Variants in ABCB7 observed in about 807,000 individuals in gnomAD.
The protein encoded by ABCB7 is iron-sulfur clusters transporter ABCB7, mitochondrial.
In ABCB7, 7 loss-of-function variants were observed where a neutral mutation model predicts 54.4. That is an observed-to-expected ratio of 0.13 (90% CI 0.07 to 0.24). The LOEUF (loss-of-function observed/expected upper bound fraction) is 0.24, where lower values mean the gene tolerates loss of function less well. ABCB7 is among the 10% of genes least tolerant of loss of function. ABCB7 has a pLI of 1.00. For synonymous variants in ABCB7, 218 were observed against 207.1 expected (o/e 1.05, Z -0.45); for missense variants, 356 against 570.4 (o/e 0.62, Z 3.83).
At chrX:75,122,089 T>C (rs2081883498) in intron 1 of ABCB7, among the ~76,000 whole-genome samples, 1 of 111,529 alleles carries the variant, frequency 9.0e-6, no homozygotes, top group Non-Finnish European at 1.9e-5. Flanking sequence ...CTTGGTAAAA[T>C]AAGGCAGAGA....
At chrX:75,055,033 C>G (rs1267074896) in intron 15 of ABCB7, among the ~76,000 whole-genome samples, 1 of 111,652 alleles carries the variant, frequency 9.0e-6, no homozygotes, top group Non-Finnish European at 1.9e-5. Context: ...GTTTTCTGAT[C>G]TTTTCTCTAT....
chrX:75,138,956 C>G (rs1479429299), intron 1 of ABCB7, among the ~76,000 whole-genome samples: 1 of 101,660 alleles, frequency 9.8e-6, no homozygotes, highest in Non-Finnish European at 2.0e-5. Context: ...TGCAGTGAGC[C>G]GAGATAGAGC....
chrX:75,137,219 G>A (rs1034189614), intron 1 of ABCB7, among the ~76,000 whole-genome samples: 1 of 111,730 alleles, frequency 9.0e-6, no homozygotes, highest in Non-Finnish European at 1.9e-5. Flanking sequence ...ATGCGCAAAG[G>A]ACATGAACAG....
At chrX:75,119,087 TAAC>T (rs368862140) in intron 1 of ABCB7, among the ~76,000 whole-genome samples, 99 of 112,145 alleles carry the variant, frequency 8.8e-4, no homozygotes, top group African/African-American at 3.1e-3. Flanking sequence ...GGTTTAATAA[TAAC>T]AAAAGTTTAG....
chrX:75,091,063 T>C (rs1462168596), intron 4 of ABCB7, among the ~76,000 whole-genome samples: 1 of 111,513 alleles, frequency 9.0e-6, no homozygotes, highest in African/African-American at 3.2e-5. Context: ...GAATTCTCTA[T>C]AATTTCTTCC....
At chrX:75,116,387 T>C (rs2081820461) in intron 1 of ABCB7, among the ~76,000 whole-genome samples, 1 of 102,850 alleles carries the variant, frequency 9.7e-6, no homozygotes, top group Admixed American at 1.1e-4. Context: ...CCTCCTGAGG[T>C]TGTGTCATGT....
At chrX:75,153,756 G>GTATA (rs10626282) in intron 1 of ABCB7, among the ~76,000 whole-genome samples, 2,876 of 91,841 alleles carry the variant, frequency 0.031, 113 homozygotes, top group African/African-American at 0.1. Flanking sequence ...GCGTGTGTGT[G>GTATA]TGTGTATATA....
In ABCB7 at chrX:75,065,285, T is replaced by C. The variant is rs779877042; in HGVS notation, c.1660-44A>G. On this transcript the variant is annotated intron_variant, in intron 12 of 15. Coordinates refer to ENST00000373394, the MANE Select transcript of ABCB7 (RefSeq NM_001271696.3). The stretch of plus-strand genomic sequence containing the variant: ...ATGAATATATATCTATATCTATATA[T>C]CTCTCTCTATTTATGTTCATTATTA... The C allele has an allele frequency of 6.7e-6, 7 of 1,051,156 alleles. No homozygotes were observed. In the South Asian group the frequency reaches 1.2e-4, roughly 18 times the overall value. The allele number at this position is 1,051,156 out of a possible 1,213,427, so 86.6% of individuals were successfully genotyped here. A position where few individuals can be genotyped will look rare whatever the true frequency, so the allele number is the denominator to read the frequency against.
Position 75,136,909 on chromosome X carries a change from G to A in ABCB7, c.168+19196C>T, listed in dbSNP as rs145768228. Among the ~76,000 whole-genome samples the A allele has an allele frequency of 6.8e-4, 76 of 112,037 alleles. 1 individual carries two copies. In the East Asian group the frequency reaches 0.016, roughly 24 times the overall value. Reference sequence around the variant, plus strand: ...TTCAACATCAATTAAAGACTTAAACGTAAAACCCAAAACTATAAACTCTGG... The same window carrying A: ...TTCAACATCAATTAAAGACTTAAACATAAAACCCAAAACTATAAACTCTGG... On this transcript the variant is annotated intron_variant, in intron 1 of 15. Coordinates refer to ENST00000373394, the MANE Select transcript of ABCB7 (RefSeq NM_001271696.3).
In ABCB7 at chrX:75,065,302, T is replaced by A. The variant is rs181920900; in HGVS notation, c.1660-61A>T. On this transcript the variant is annotated intron_variant, in intron 12 of 15. Transcript: ENST00000373394. The stretch of plus-strand genomic sequence containing the variant: ...TCTATATATCTCTCTCTATTTATGT[T>A]CATTATTAAAAATTCAAATAGTAAA... 2.0e-4 allele frequency: 210 copies of A among 1,034,825 alleles called. 2 individuals are homozygous for A. The African/African-American group carries it at 3.6e-3, about 18-fold the overall frequency. The allele number at this position is 1,034,825 out of a possible 1,213,427, so 85.3% of individuals were successfully genotyped here. A position where few individuals can be genotyped will look rare whatever the true frequency, so the allele number is the denominator to read the frequency against.
chrX:75,125,461 C>T (rs1251430441), intron 1 of ABCB7, among the ~76,000 whole-genome samples: 1 of 111,429 alleles, frequency 9.0e-6, no homozygotes, highest in African/African-American at 3.3e-5. Flanking sequence ...TTCTAGCATG[C>T]TAAAAGCTAA....
chrX:75,116,287 T>C (rs1219455520), intron 1 of ABCB7, among the ~76,000 whole-genome samples: 1 of 111,172 alleles, frequency 9.0e-6, no homozygotes, highest in Non-Finnish European at 1.9e-5. Flanking sequence ...TTTCAACCTA[T>C]GACCTGGAAG....
At chrX:75,144,531 A>G (rs752150518) in intron 1 of ABCB7, among the ~76,000 whole-genome samples, 2 of 111,479 alleles carry the variant, frequency 1.8e-5, no homozygotes, top group Admixed American at 9.5e-5. Flanking sequence ...GTAAAATTTT[A>G]AAGCATTTTG....
chrX:75,115,113 TAA>T (rs2081798697), intron 1 of ABCB7, among the ~76,000 whole-genome samples: 1 of 107,026 alleles, frequency 9.3e-6, no homozygotes, highest in African/African-American at 3.4e-5. Context: ...ACCAAAAATA[TAA>T]AAATTAGCTG....
intron 10 of ABCB7, 100 bp downstream of exon 10, chrX:75,070,265 T>C: frequency 2.4e-6 from 2 of 850,602 alleles, no homozygotes; most frequent in Non-Finnish European, 1.7e-6. Context: ...GTAAAATAAA[T>C]TGGTTTGCTA....
chrX:75,071,128 AT>A (rs2081360671), intron 9 of ABCB7, among the ~76,000 whole-genome samples: 1 of 110,627 alleles, frequency 9.0e-6, no homozygotes, highest in Non-Finnish European at 1.9e-5. Context: ...GAGGAGAAAG[AT>A]TAAAAGGTTC....
chrX:75,104,400 G>A (rs1380119715), intron 3 of ABCB7, among the ~76,000 whole-genome samples: 1 of 109,139 alleles, frequency 9.2e-6, no homozygotes, highest in African/African-American at 3.3e-5. Flanking sequence ...TATCATCGGA[G>A]ACTACTATGA....
At chrX:75,084,309 C>A (rs1272960524) in intron 4 of ABCB7, among the ~76,000 whole-genome samples, 2 of 111,368 alleles carry the variant, frequency 1.8e-5, no homozygotes, top group African/African-American at 6.5e-5. Flanking sequence ...TCTGTTACAG[C>A]AGCAATAGGA....
At chrX:75,096,540 T>C (rs1470377596) in intron 4 of ABCB7, among the ~76,000 whole-genome samples, 1 of 111,787 alleles carries the variant, frequency 8.9e-6, no homozygotes, top group Non-Finnish European at 1.9e-5. Flanking sequence ...ATTTGTGTTC[T>C]TTTCCTTGGT....
Sources: allele counts gnomAD v4.1 joint callset (sites outside exome capture counted in the v4.1 genomes callset), GRCh38; gene constraint gnomAD v4.1.1; transcripts MANE v1.5; gene names NCBI Gene and HGNC (gene_info 2026-07-23, HGNC 2026-07-21).